EXOC5: variants seen among roughly 807,000 people sequenced by gnomAD.
EXOC5 encodes the protein SEC10-like 1.
EXOC5 carries 17 observed loss-of-function variants against 90.8 expected under a neutral mutation model. The observed-to-expected ratio is 0.19, with a 90% CI of 0.13 to 0.28. EXOC5 has a LOEUF of 0.28. Ranked by LOEUF, EXOC5 falls within the 10% of genes least tolerant of loss-of-function variation. The pLI, the probability that EXOC5 is intolerant of heterozygous loss-of-function variation, is 1.00. For synonymous variants in EXOC5, 260 were observed against 270.0 expected, an observed-to-expected ratio of 0.96 and a Z score of 0.36; for missense variants, 569 against 830.6, an observed-to-expected ratio of 0.69 and a Z score of 3.87.
chr14:57,240,061 T>C (rs1026485588), intron 4 of EXOC5, among the ~76,000 whole-genome samples: 2 of 152,348 alleles, frequency 1.3e-5, no homozygotes, highest in Admixed American at 1.3e-4. Flanking sequence ...ATTTAGAGCA[T>C]ACTGCCACAT....
At chr14:57,219,817 G>C (rs1883075468) in intron 13 of EXOC5, among the ~76,000 whole-genome samples, 1 of 151,976 alleles carries the variant, frequency 6.6e-6, no homozygotes, top group Non-Finnish European at 1.5e-5. Context: ...TGCTGCCATA[G>C]TAATATCCCT....
intron 5 of EXOC5, among the ~76,000 whole-genome samples, chr14:57,239,187 CAAAGGTGTCCAAGGCCTCCAA>C (rs1883778674): frequency 6.6e-6 from 1 of 151,930 alleles, no homozygotes; most frequent in African/African-American, 2.4e-5. Flanking sequence ...ATCAGCTTTT[CAAAGGTGTCCAAGGCCTCCAA>C]AAGCCTAAGA....
intron 17 of EXOC5, 109 bp downstream of exon 17, chr14:57,209,458 C>A: frequency 1.6e-6 from 1 of 609,168 alleles, no homozygotes. Flanking sequence ...CATACAATAT[C>A]AACAAAAGTT....
chr14:57,236,091 A>G lies in EXOC5; in HGVS notation c.560-271T>C, dbSNP rs74968581. 9.9e-5 allele frequency among the ~76,000 whole-genome samples: 15 copies of G among 152,216 alleles called. No homozygotes were observed. The East Asian group carries it at 2.9e-3, about 30-fold the overall frequency. On this transcript the variant is annotated intron_variant, in intron 6 of 17. Coordinates refer to ENST00000621441, the MANE Select transcript of EXOC5 (RefSeq NM_006544.4). ...ATATGCCATTGTTACTTAAACCAGT[A>G]GCTGACTGGAAAAAATCCTCCAGAT...
intron 1 of EXOC5, among the ~76,000 whole-genome samples, chr14:57,263,522 C>T (rs919957565): frequency 2.0e-5 from 3 of 151,692 alleles, no homozygotes; most frequent in African/African-American, 7.3e-5. Context: ...AATCCCAGCA[C>T]TTTGGGAGGC....
At chr14:57,251,221 T>C (rs1884181268) in intron 1 of EXOC5, among the ~76,000 whole-genome samples, 1 of 152,194 alleles carries the variant, frequency 6.6e-6, no homozygotes, top group Non-Finnish European at 1.5e-5. Flanking sequence ...GGCAGAGTGC[T>C]GTCCAAAAAT....
intron 14 of EXOC5, among the ~76,000 whole-genome samples, chr14:57,219,112 A>G (rs1286958330): frequency 6.6e-6 from 1 of 152,108 alleles, no homozygotes; most frequent in African/African-American, 2.4e-5. Context: ...AATTAATAAT[A>G]TAGTGGAAAG....
intron 15 of EXOC5, among the ~76,000 whole-genome samples, chr14:57,216,892 T>C (rs1441953584): frequency 2.0e-5 from 3 of 151,808 alleles, no homozygotes; most frequent in South Asian, 4.2e-4. Context: ...TGTTTAACAC[T>C]CCAAACATAT....
At chr14:57,211,027 A>G (rs1475701777) in intron 15 of EXOC5, among the ~76,000 whole-genome samples, 1 of 152,228 alleles carries the variant, frequency 6.6e-6, no homozygotes, top group Non-Finnish European at 1.5e-5. Flanking sequence ...ATGGCTTCTT[A>G]AAAGTTTCCT....
chr14:57,248,157 A>G (rs960464148), intron 1 of EXOC5, among the ~76,000 whole-genome samples: 1 of 151,786 alleles, frequency 6.6e-6, no homozygotes, highest in Non-Finnish European at 1.5e-5. Flanking sequence ...TTATACTCTC[A>G]GTATTGTTAG....
intron 4 of EXOC5, among the ~76,000 whole-genome samples, chr14:57,240,406 C>T (rs1469808651): frequency 2.0e-5 from 3 of 151,990 alleles, no homozygotes; most frequent in East Asian, 1.9e-4. Context: ...CTCAGCCTCC[C>T]GAGTAGCTGG....
chr14:57,240,809 CAT>C (rs1173289969), intron 4 of EXOC5, among the ~76,000 whole-genome samples: 1 of 152,124 alleles, frequency 6.6e-6, no homozygotes, highest in Non-Finnish European at 1.5e-5. Flanking sequence ...CAGTGAGACT[CAT>C]AAATACGAAG....
chr14:57,200,757 T>TGAAAAAAAAA lies in EXOC5; in HGVS notation c.*7851_*7852insTTTTTTTTTC, dbSNP rs1882476585. On this transcript the variant is annotated 3_prime_UTR_variant, in exon 18 of 18. Coordinates refer to ENST00000621441, the MANE Select transcript of EXOC5 (RefSeq NM_006544.4). ...AGCTTTACTAATTTGCTCACTACAT[T>TGAAAAAAAAA]AAAAAAAAAAAAAAAAAACTTCCAC... 1 of 134,282 alleles carries TGAAAAAAAAA rather than the reference T, an allele frequency of 7.4e-6. No individual in the cohort carries two copies. The highest frequency in any genetic ancestry group is 2.6e-5 in the African/African-American group (1 of 38,926). 8.3% of individuals were successfully genotyped at this position (134,282 alleles called of 1,614,324 possible).
At chr14:57,246,253 C>A (rs1440583209) in intron 3 of EXOC5, among the ~76,000 whole-genome samples, 4 of 152,128 alleles carry the variant, frequency 2.6e-5, no homozygotes, top group African/African-American at 9.7e-5. Flanking sequence ...TTGGAGCATA[C>A]CCTCATGACT....
At chr14:57,255,926 A>T (rs1457669773) in intron 1 of EXOC5, among the ~76,000 whole-genome samples, 2 of 152,130 alleles carry the variant, frequency 1.3e-5, no homozygotes, top group African/African-American at 2.4e-5. Context: ...TGACTCCCAT[A>T]GGAAAAACAC....
intron 4 of EXOC5, among the ~76,000 whole-genome samples, chr14:57,240,068 A>T (rs913839269): frequency 2.0e-5 from 3 of 152,242 alleles, no homozygotes; most frequent in Non-Finnish European, 4.4e-5. Flanking sequence ...GCATACTGCC[A>T]CATATATCCT....
At chr14:57,253,818 T>A (rs2139661839) in intron 1 of EXOC5, among the ~76,000 whole-genome samples, 1 of 152,282 alleles carries the variant, frequency 6.6e-6, no homozygotes, top group African/African-American at 2.4e-5. Flanking sequence ...TGCAAAAGCA[T>A]CCTTACCTAA....
At chr14:57,244,500 A>G in intron 3 of EXOC5, 141 bp from the exon 4 acceptor site, 1 of 651,746 alleles carries the variant, frequency 1.5e-6, no homozygotes, top group Non-Finnish European at 2.6e-6. Context: ...TTAGTGTGAC[A>G]TGATCTGAAA....
rs981675131 is a variant in EXOC5 at position 57,268,861 on chromosome 14, C to A, written c.-213G>T. The A allele has an allele frequency of 5.4e-6, 7 of 1,290,474 alleles. No individual in the cohort carries two copies. Among genetic ancestry groups the A allele is most frequent in the Non-Finnish European group, 7.1e-6 (7 of 984,380 alleles). The allele number at this position is 1,290,474 out of a possible 1,614,324, so 79.9% of individuals were successfully genotyped here. A position where few individuals can be genotyped will look rare whatever the true frequency, so the allele number is the denominator to read the frequency against. On this transcript the variant is annotated 5_prime_UTR_variant, in exon 1 of 18. Transcript: ENST00000621441. ...TTGTCAGCTGCCTCCCGGCGCCGCCCGCGCTGCTCCCATTGTCACCGCCTC... is the reference window on the plus strand; with the variant it reads ...TTGTCAGCTGCCTCCCGGCGCCGCCAGCGCTGCTCCCATTGTCACCGCCTC...
Sources: gnomAD v4.1 joint callset for allele counts (sites outside exome capture counted in the v4.1 genomes callset) on GRCh38, gnomAD v4.1.1 for gene constraint, MANE v1.5 for transcripts, NCBI Gene and HGNC (gene_info 2026-07-23, HGNC 2026-07-21) for gene names.